The following UGGT2 variants were observed in gnomAD, a reference collection of about 807,000 sequenced individuals.
UGGT2 encodes UDP-glucose:glycoprotein glucosyltransferase 2.
A neutral mutation model predicts 192.1 loss-of-function variants in UGGT2; 180 were observed. That is an observed-to-expected ratio of 0.94 (90% CI 0.83 to 1.06). The LOEUF is 1.06. Ranked by LOEUF, UGGT2 falls within the 50% of genes least tolerant of loss-of-function variation. The pLI is 0.00. For synonymous variants in UGGT2, 580 were observed against 591.0 expected, an observed-to-expected ratio of 0.98 and a Z score of 0.27; for missense variants, 1,849 against 1,795.7, an observed-to-expected ratio of 1.03 and a Z score of -0.54.
intron 20 of UGGT2, among the ~76,000 whole-genome samples, chr13:95,915,537 T>C (rs2048655222): frequency 6.6e-6 from 1 of 152,236 alleles, no homozygotes; most frequent in South Asian, 2.1e-4. Flanking sequence ...ATAGATTATA[T>C]ATGAAAAGGA....
intron 38 of UGGT2, among the ~76,000 whole-genome samples, chr13:95,819,004 C>T (rs1318325747): frequency 1.3e-5 from 2 of 152,082 alleles, no homozygotes; most frequent in African/African-American, 4.8e-5. Flanking sequence ...TGCTCCAAGT[C>T]TAGGAAACTC....
chr13:96,024,901 G>C (rs2052618260), intron 2 of UGGT2, among the ~76,000 whole-genome samples: 2 of 152,158 alleles, frequency 1.3e-5, no homozygotes, highest in South Asian at 4.1e-4. Context: ...CTGGAAGACT[G>C]GGTTGTTTGC....
chr13:96,008,082 A>G (rs1414655040), intron 5 of UGGT2, among the ~76,000 whole-genome samples: 1 of 152,230 alleles, frequency 6.6e-6, no homozygotes, highest in Non-Finnish European at 1.5e-5. Context: ...CTATGAAACG[A>G]CTAGAGGAAA....
intron 4 of UGGT2, among the ~76,000 whole-genome samples, chr13:96,016,319 G>A (rs1406041426): frequency 4.6e-5 from 7 of 152,186 alleles, no homozygotes; most frequent in Non-Finnish European, 1.0e-4. Context: ...AGGGAGCCAG[G>A]AGCTGACAGC....
At chr13:95,926,353 G>A (rs1395911240) in intron 19 of UGGT2, among the ~76,000 whole-genome samples, 1 of 152,040 alleles carries the variant, frequency 6.6e-6, no homozygotes, top group Non-Finnish European at 1.5e-5. Flanking sequence ...TTACAACATA[G>A]TTCATTCCAT....
chr13:95,930,898 C>T (rs761267577), intron 17 of UGGT2, among the ~76,000 whole-genome samples: 1 of 152,174 alleles, frequency 6.6e-6, no homozygotes, highest in South Asian at 2.1e-4. Context: ...GTGAGTGTTA[C>T]AGCTCTCAAA....
chr13:95,848,539 G>GA (rs368972500), intron 36 of UGGT2, among the ~76,000 whole-genome samples: 100 of 152,200 alleles, frequency 6.6e-4, no homozygotes, highest in African/African-American at 2.3e-3. Context: ...GACATTTGTT[G>GA]AAAATACTAT....
chr13:95,931,499 T>C (rs1384600182), intron 17 of UGGT2, among the ~76,000 whole-genome samples: 1 of 142,570 alleles, frequency 7.0e-6, no homozygotes, highest in African/African-American at 2.5e-5. Context: ...GCAGCACTCG[T>C]CGGGGAGGCT....
At chr13:96,023,298 G>A in intron 3 of UGGT2, 146 bp from the exon 4 acceptor site, 3 of 614,854 alleles carry the variant, frequency 4.9e-6, no homozygotes, top group Non-Finnish European at 7.3e-6. Context: ...TCTATACGTA[G>A]GTAGAATCTA....
chr13:95,859,726 A>C, intron 32 of UGGT2, 51 bp from the exon 33 acceptor site: 38 of 1,324,396 alleles, frequency 2.9e-5, no homozygotes, highest in South Asian at 4.5e-5. Flanking sequence ...ACAGGAGCTC[A>C]TATATATTTT....
chr13:95,809,800 T>G (rs1036108157), intron 38 of UGGT2, among the ~76,000 whole-genome samples: 6 of 152,246 alleles, frequency 3.9e-5, no homozygotes, highest in South Asian at 2.1e-4. Flanking sequence ...AACCATCCTT[T>G]GCTGGCATTA....
intron 29 of UGGT2, among the ~76,000 whole-genome samples, chr13:95,876,266 G>T (rs564311302): frequency 6.6e-6 from 1 of 152,288 alleles, no homozygotes; most frequent in East Asian, 1.9e-4. Flanking sequence ...AAGATATAAT[G>T]TATACCATAT....
chr13:95,979,353 T>A (rs1436496642), intron 10 of UGGT2, among the ~76,000 whole-genome samples: 2 of 152,102 alleles, frequency 1.3e-5, no homozygotes, highest in Non-Finnish European at 2.9e-5. Flanking sequence ...TAATCTTTGC[T>A]TGAGTCCCAA....
chr13:95,816,818 A>G (rs902092693), intron 38 of UGGT2, among the ~76,000 whole-genome samples: 1 of 152,320 alleles, frequency 6.6e-6, no homozygotes. Flanking sequence ...ACATGACTGT[A>G]TATATTAGTA....
chr13:95,837,231 C>A, intron 36 of UGGT2, 29 bp from the exon 37 acceptor site: 4 of 1,502,982 alleles, frequency 2.7e-6, no homozygotes, highest in Non-Finnish European at 3.7e-6. Context: ...TAATCATAGA[C>A]GTATGAAATT....
At chr13:95,948,438 G>A (rs907837405) in intron 13 of UGGT2, among the ~76,000 whole-genome samples, 3 of 151,744 alleles carry the variant, frequency 2.0e-5, no homozygotes, top group African/African-American at 7.3e-5. Context: ...TTTTCAAAAG[G>A]AAATAGAGAT....
At chr13:95,990,152 C>T in intron 7 of UGGT2, 79 bp from the exon 8 acceptor site, 1 of 802,714 alleles carries the variant, frequency 1.2e-6, no homozygotes, top group Non-Finnish European at 1.9e-6. Flanking sequence ...TTTGAAATTA[C>T]ATATTCCATG....
intron 22 of UGGT2, among the ~76,000 whole-genome samples, chr13:95,897,507 T>C (rs1336883223): frequency 6.6e-6 from 1 of 152,212 alleles, no homozygotes; most frequent in Non-Finnish European, 1.5e-5. Flanking sequence ...TGATCATTTA[T>C]AAACAATTTT....
At chr13:95,955,408 G>A (rs1159649522) in intron 12 of UGGT2, among the ~76,000 whole-genome samples, 5 of 152,180 alleles carry the variant, frequency 3.3e-5, no homozygotes, top group African/African-American at 7.2e-5. Flanking sequence ...AGTGGGAAAT[G>A]CAAGCTTAAG....
Sources: gnomAD v4.1 joint callset for allele counts (sites outside exome capture counted in the v4.1 genomes callset) on GRCh38, gnomAD v4.1.1 for gene constraint, MANE v1.5 for transcripts, NCBI Gene and HGNC (gene_info 2026-07-23, HGNC 2026-07-21) for gene names.